The following PTPRD variants were observed in gnomAD, a reference collection of about 807,000 sequenced individuals.
PTPRD encodes protein tyrosine phosphatase receptor type D.
PTPRD carries 34 observed loss-of-function variants against 214.5 expected under a neutral mutation model. The observed-to-expected ratio is 0.16, with a 90% CI of 0.12 to 0.21. The LOEUF (loss-of-function observed/expected upper bound fraction) is 0.21, where lower values mean the gene tolerates loss of function less well. PTPRD is among the 10% of genes least tolerant of loss of function. PTPRD has a pLI of 1.00. For missense variants in PTPRD, 2,545 were observed against 2,398.7 expected, an observed-to-expected ratio of 1.06 and a Z score of -1.27; for synonymous variants, 1,128 against 845.7, an observed-to-expected ratio of 1.33 and a Z score of -5.79.
At chr9:8,905,797 A>G (rs2098703804) in intron 11 of PTPRD, among the ~76,000 whole-genome samples, 1 of 151,772 alleles carries the variant, frequency 6.6e-6, no homozygotes, top group Non-Finnish European at 1.5e-5. Context: ...CTTCCATTGT[A>G]GGCTAGCTTG....
chr9:10,351,813 A>G (rs1030313982), intron 2 of PTPRD, among the ~76,000 whole-genome samples: 1 of 152,076 alleles, frequency 6.6e-6, no homozygotes, highest in Admixed American at 6.6e-5. Context: ...GTAGAGGCCT[A>G]GAACATAATA....
At chr9:10,431,419 G>T (rs534514401) in intron 2 of PTPRD, among the ~76,000 whole-genome samples, 14 of 152,112 alleles carry the variant, frequency 9.2e-5, no homozygotes, top group African/African-American at 3.4e-4. Flanking sequence ...GGCAACAAAA[G>T]ACAAAATTGA....
chr9:10,399,870 C>A (rs1467243137), intron 2 of PTPRD, among the ~76,000 whole-genome samples: 2 of 151,610 alleles, frequency 1.3e-5, no homozygotes, highest in African/African-American at 2.4e-5. Flanking sequence ...CTGGAGGATG[C>A]GTAGCTAAGA....
chr9:9,513,050 G>A (rs1169328722), intron 8 of PTPRD, among the ~76,000 whole-genome samples: 2 of 151,652 alleles, frequency 1.3e-5, no homozygotes, highest in African/African-American at 2.4e-5. Flanking sequence ...TCTACTACTG[G>A]CCTGTAATTA....
At chr9:8,697,514 C>T (rs986328906) in intron 12 of PTPRD, among the ~76,000 whole-genome samples, 2 of 149,582 alleles carry the variant, frequency 1.3e-5, no homozygotes, top group South Asian at 2.1e-4. Context: ...TCCCCACCTC[C>T]CAGGTTCAAG....
At chr9:8,917,209 A>G (rs1587987228) in intron 11 of PTPRD, among the ~76,000 whole-genome samples, 1 of 148,468 alleles carries the variant, frequency 6.7e-6, no homozygotes, top group African/African-American at 2.5e-5. Flanking sequence ...GCTCGCTGCA[A>G]CCTCTGCTTC....
At chr9:8,602,201 C>T (rs1454056483) in intron 14 of PTPRD, among the ~76,000 whole-genome samples, 1 of 152,172 alleles carries the variant, frequency 6.6e-6, no homozygotes, top group Non-Finnish European at 1.5e-5. Flanking sequence ...CTATCTTTCA[C>T]CTGAGCCAAT....
At chr9:9,062,890 A>T (rs577409759) in intron 10 of PTPRD, among the ~76,000 whole-genome samples, 1 of 152,294 alleles carries the variant, frequency 6.6e-6, no homozygotes, top group African/African-American at 2.4e-5. Context: ...CTTATGTCAC[A>T]GGGGTGTTTT....
intron 4 of PTPRD, among the ~76,000 whole-genome samples, chr9:9,953,254 C>G (rs1352857214): frequency 6.6e-6 from 1 of 152,074 alleles, no homozygotes; most frequent in African/African-American, 2.4e-5. Flanking sequence ...AGACTGCCCT[C>G]CACGATGTGG....
At chr9:9,741,900 G>A (rs547044006) in intron 6 of PTPRD, among the ~76,000 whole-genome samples, 14 of 152,244 alleles carry the variant, frequency 9.2e-5, no homozygotes, top group African/African-American at 3.4e-4. Context: ...ATCGTGAACA[G>A]TGCTGCAATA....
chr9:10,286,126 T>G (rs2095344968), intron 3 of PTPRD, among the ~76,000 whole-genome samples: 1 of 152,210 alleles, frequency 6.6e-6, no homozygotes, highest in African/African-American at 2.4e-5. Flanking sequence ...CAATTATGCC[T>G]TTCAATTCTA....
chr9:10,169,774 C>T (rs1471415319), intron 3 of PTPRD, among the ~76,000 whole-genome samples: 1 of 152,070 alleles, frequency 6.6e-6, no homozygotes, highest in African/African-American at 2.4e-5. Flanking sequence ...CAGAAAATCT[C>T]CAAATTGTAT....
intron 2 of PTPRD, among the ~76,000 whole-genome samples, chr9:10,407,485 T>A (rs188434295): frequency 6.6e-6 from 1 of 151,668 alleles, no homozygotes; most frequent in East Asian, 2.0e-4. Context: ...ATATAGTTGG[T>A]TGGCTAGCAC....
At chr9:8,576,188 T>C (rs1041417958) in intron 14 of PTPRD, among the ~76,000 whole-genome samples, 5 of 152,264 alleles carry the variant, frequency 3.3e-5, no homozygotes, top group Middle Eastern at 3.4e-3. Context: ...TTTCAACCAA[T>C]TGTTGGCATA....
intron 3 of PTPRD, among the ~76,000 whole-genome samples, chr9:10,177,875 T>C (rs928980635): frequency 6.6e-6 from 1 of 151,936 alleles, no homozygotes; most frequent in Non-Finnish European, 1.5e-5. Context: ...ACTATCCACT[T>C]CCTTTTATAA....
intron 4 of PTPRD, among the ~76,000 whole-genome samples, chr9:9,978,627 A>G (rs1181646687): frequency 6.6e-6 from 1 of 152,124 alleles, no homozygotes; most frequent in Admixed American, 6.5e-5. Context: ...CTGATGGAGA[A>G]CAGAACAAAT....
intron 3 of PTPRD, among the ~76,000 whole-genome samples, chr9:10,165,026 C>T (rs1238853726): frequency 4.0e-5 from 6 of 151,564 alleles, no homozygotes; most frequent in Admixed American, 6.6e-5. Flanking sequence ...TCTTTGATGG[C>T]CTGAATCACA....
At position 8,530,278 on chromosome 9, in the gene PTPRD, C is replaced by T. The variant is rs913784106; in HGVS notation, c.353-1499G>A. On this transcript the variant is annotated intron_variant, in intron 14 of 45. Coordinates refer to ENST00000381196, the MANE Select transcript of PTPRD (RefSeq NM_002839.4). ...CCTCACTAGCAAAGTCCTTTTCAAT[C>T]AGGTCTCATTTTTCTCAGCCTCTTA... Among the ~76,000 whole-genome samples, 81 of 152,028 alleles carry T rather than the reference C, an allele frequency of 5.3e-4. 1 individual carries two copies. The highest frequency in any genetic ancestry group is 1.9e-3 in the African/African-American group (77 of 41,390).
intron 11 of PTPRD, among the ~76,000 whole-genome samples, chr9:8,739,259 C>T (rs1184163217): frequency 6.6e-6 from 1 of 152,174 alleles, no homozygotes; most frequent in East Asian, 1.9e-4. Flanking sequence ...GAGAAGAGAA[C>T]CCAAAAGCAA....
Sources: gnomAD v4.1 joint callset for allele counts (sites outside exome capture counted in the v4.1 genomes callset) on GRCh38, gnomAD v4.1.1 for gene constraint, MANE v1.5 for transcripts, NCBI Gene and HGNC (gene_info 2026-07-23, HGNC 2026-07-21) for gene names.